The following GALNTL6 variants were observed in gnomAD, a reference collection of about 807,000 sequenced individuals.
The protein encoded by GALNTL6 is polypeptide N-acetylgalactosaminyltransferase like 6.
Under a neutral mutation model 73.7 loss-of-function variants are expected in GALNTL6, and 46 were observed. That is an observed-to-expected ratio of 0.62 (90% confidence interval 0.49 to 0.80). GALNTL6 has a LOEUF of 0.80. Ranked by LOEUF, GALNTL6 falls within the 30% of genes least tolerant of loss-of-function variation. The probability of loss-of-function intolerance (pLI) is 0.00; values close to 1 mark genes in which losing one functional copy is unlikely to be tolerated. For missense variants in GALNTL6, 604 were observed against 755.0 expected (o/e 0.80, Z 2.34); for synonymous variants, 259 against 263.7 (o/e 0.98, Z 0.17).
Position 172,824,372 on chromosome 4 carries a change from GTGTGAGTGTGTGTGTGTGTGTGTT to G in GALNTL6, c.923+10654_923+10677del, listed in dbSNP as rs1449192212. Reference sequence around the variant, plus strand: ...GACTTCCATGGTATAGTGTGTGTGTGTGTGAGTGTGTGTGTGTGTGTGTTTGTGTGTGTGTGTTCATGTGTGTGT... The same window carrying G: ...GACTTCCATGGTATAGTGTGTGTGTGTGTGTGTGTGTGTTCATGTGTGTGT... On this transcript the variant is annotated intron_variant, in intron 7 of 12. Transcript: ENST00000506823. Among the ~76,000 whole-genome samples the G allele has an allele frequency of 2.5e-3, 216 of 87,704 alleles. 1 individual carries two copies. Among genetic ancestry groups the G allele is most frequent in the African/African-American group, 0.015 (184 of 12,132 alleles). The allele number at this position is 87,704 out of a possible 152,430, so 57.5% of individuals were successfully genotyped here.
At chr4:172,670,334 A>G (rs1425432346) in intron 5 of GALNTL6, among the ~76,000 whole-genome samples, 1 of 151,932 alleles carries the variant, frequency 6.6e-6, no homozygotes, top group African/African-American at 2.4e-5. Flanking sequence ...ACTTTTTAAT[A>G]GTAGCCTTTC....
chr4:171,840,684 C>A (rs561167919), intron 2 of GALNTL6, among the ~76,000 whole-genome samples: 11 of 152,288 alleles, frequency 7.2e-5, no homozygotes, highest in African/African-American at 2.4e-4. Context: ...ATATTATTTT[C>A]TCTCATAGTG....
At chr4:172,355,405 G>A (rs1180477105) in intron 5 of GALNTL6, among the ~76,000 whole-genome samples, 1 of 152,064 alleles carries the variant, frequency 6.6e-6, no homozygotes, top group Non-Finnish European at 1.5e-5. Context: ...ATTTGAACAT[G>A]CATATAAGAA....
At chr4:172,445,821 A>C (rs2111410576) in intron 5 of GALNTL6, among the ~76,000 whole-genome samples, 1 of 152,264 alleles carries the variant, frequency 6.6e-6, no homozygotes, top group South Asian at 2.1e-4. Context: ...ATGGTGAATA[A>C]ATTTTTTGTC....
intron 5 of GALNTL6, among the ~76,000 whole-genome samples, chr4:172,486,577 A>G (rs901470723): frequency 1.4e-4 from 22 of 152,224 alleles, no homozygotes; most frequent in African/African-American, 5.3e-4. Context: ...CATTCCACAG[A>G]CAATGTTAGA....
intron 2 of GALNTL6, among the ~76,000 whole-genome samples, chr4:172,154,045 TTC>T (rs892162716): frequency 7.5e-6 from 1 of 132,630 alleles, no homozygotes. Flanking sequence ...GAGGTTTTTC[TTC>T]TTTTTTTTTT....
At chr4:172,841,660 A>G (rs1560987022) in intron 7 of GALNTL6, among the ~76,000 whole-genome samples, 3 of 152,112 alleles carry the variant, frequency 2.0e-5, no homozygotes, top group Non-Finnish European at 4.4e-5. Context: ...TGCACAGGAA[A>G]AACTACCATT....
intron 4 of GALNTL6, among the ~76,000 whole-genome samples, chr4:172,317,473 C>T (rs1055848121): frequency 1.3e-5 from 2 of 152,002 alleles, no homozygotes; most frequent in African/African-American, 2.4e-5. Flanking sequence ...CTTGTTGATT[C>T]CCTTTTTTAT....
chr4:172,957,402 G>T (rs572888694), intron 10 of GALNTL6, among the ~76,000 whole-genome samples: 43 of 152,320 alleles, frequency 2.8e-4, no homozygotes, highest in African/African-American at 7.9e-4. Flanking sequence ...GTCTTGTGTG[G>T]GAAGAGACTG....
chr4:172,346,980 T>C (rs1561038205), intron 4 of GALNTL6, among the ~76,000 whole-genome samples: 1 of 139,666 alleles, frequency 7.2e-6, no homozygotes, highest in East Asian at 2.1e-4. Flanking sequence ...TTTTCTTTTG[T>C]TTTCTTTCTT....
Position 172,030,023 on chromosome 4 carries a change from A to G in GALNTL6, c.139-199633A>G, listed in dbSNP as rs116623232. ...ATGTCGAACTCAGTTCACTTTTGCT[A>G]CAGCAATCCTGTAATACAGGTATTA... On this transcript the variant is annotated intron_variant, in intron 2 of 12. Transcript: ENST00000506823. 6.4e-3 allele frequency among the ~76,000 whole-genome samples: 977 copies of G among 152,268 alleles called. 8 individuals carry two copies. Among genetic ancestry groups the G allele is most frequent in the African/African-American group, 0.023 (941 of 41,566 alleles).
chr4:171,993,836 T>G (rs1456510096), intron 2 of GALNTL6, among the ~76,000 whole-genome samples: 1 of 151,420 alleles, frequency 6.6e-6, no homozygotes, highest in East Asian at 1.9e-4. Context: ...TGTAAAGACA[T>G]TACACACACA....
chr4:172,770,038 T>C (rs542417449), intron 5 of GALNTL6, among the ~76,000 whole-genome samples: 31 of 152,126 alleles, frequency 2.0e-4, no homozygotes, highest in Admixed American at 1.8e-3. Context: ...CCAAGTTGGG[T>C]GGGTCACCTG....
intron 3 of GALNTL6, among the ~76,000 whole-genome samples, chr4:172,271,734 A>G (rs1308237978): frequency 6.6e-6 from 1 of 152,062 alleles, no homozygotes; most frequent in African/African-American, 2.4e-5. Context: ...GCATATATAC[A>G]TATATGCACA....
At chr4:172,213,556 A>G (rs971206686) in intron 2 of GALNTL6, among the ~76,000 whole-genome samples, 4 of 152,202 alleles carry the variant, frequency 2.6e-5, no homozygotes, top group Admixed American at 6.5e-5. Context: ...TTGCATTTGT[A>G]TATCTTCTTT....
intron 5 of GALNTL6, among the ~76,000 whole-genome samples, chr4:172,512,725 C>T (rs1478745779): frequency 6.6e-6 from 1 of 152,084 alleles, no homozygotes; most frequent in Non-Finnish European, 1.5e-5. Flanking sequence ...GGATACCAAA[C>T]TCTTGGCCAA....
At chr4:172,420,657 A>G (rs1041211339) in intron 5 of GALNTL6, among the ~76,000 whole-genome samples, 2 of 152,108 alleles carry the variant, frequency 1.3e-5, no homozygotes, top group African/African-American at 4.8e-5. Flanking sequence ...AAACCTTGCA[A>G]TCTAAACTTT....
intron 11 of GALNTL6, among the ~76,000 whole-genome samples, chr4:173,021,190 C>T (rs1752976435): frequency 6.6e-6 from 1 of 152,194 alleles, no homozygotes; most frequent in South Asian, 2.1e-4. Context: ...TTCCATGCCC[C>T]TCCCTGCATC....
At chr4:172,738,934 T>C (rs1199719145) in intron 5 of GALNTL6, among the ~76,000 whole-genome samples, 1 of 152,138 alleles carries the variant, frequency 6.6e-6, no homozygotes, top group Admixed American at 6.5e-5. Flanking sequence ...AATGTCTGGG[T>C]TATGATAAGA....
Sources: allele counts gnomAD v4.1 joint callset (sites outside exome capture counted in the v4.1 genomes callset), GRCh38; gene constraint gnomAD v4.1.1; transcripts MANE v1.5; gene names NCBI Gene and HGNC (gene_info 2026-07-23, HGNC 2026-07-21).